RAP1A: variants seen among roughly 807,000 people sequenced by gnomAD.
RAP1A encodes the protein ras-related protein Rap-1A.
Under a neutral mutation model 26.4 loss-of-function variants are expected in RAP1A, and 6 were observed. That is an observed-to-expected ratio of 0.23 (90% CI 0.12 to 0.45). The LOEUF is 0.45. RAP1A is among the 20% of genes least tolerant of loss of function. The probability of loss-of-function intolerance (pLI) is 0.99; values close to 1 mark genes in which losing one functional copy is unlikely to be tolerated. For synonymous variants in RAP1A, 73 were observed against 79.4 expected (o/e 0.92, Z 0.43); for missense variants, 121 against 217.2 (o/e 0.56, Z 2.78).
At chr1:111,585,994 T>C (rs1316679475) in intron 1 of RAP1A, among the ~76,000 whole-genome samples, 1 of 152,226 alleles carries the variant, frequency 6.6e-6, no homozygotes, top group Non-Finnish European at 1.5e-5. Flanking sequence ...AGTTCATTTG[T>C]ATGTATCTCA....
chr1:111,648,941 C>T (rs531704321), intron 1 of RAP1A: 5 of 695,716 alleles, frequency 7.2e-6, no homozygotes, highest in African/African-American at 5.3e-5. Flanking sequence ...GGTTCTTCTT[C>T]ATGAAGAACA....
chr1:111,624,793 A>G (rs1189908426), intron 1 of RAP1A, among the ~76,000 whole-genome samples: 1 of 152,230 alleles, frequency 6.6e-6, no homozygotes, highest in African/African-American at 2.4e-5. Context: ...TAAAATTTTC[A>G]GAAATACTTG....
At chr1:111,680,343 T>A (rs1455369238) in intron 1 of RAP1A, among the ~76,000 whole-genome samples, 2 of 152,176 alleles carry the variant, frequency 1.3e-5, no homozygotes, top group Non-Finnish European at 2.9e-5. Context: ...CCCTTATTTG[T>A]CCCTGCCCAT....
chr1:111,591,821 T>C (rs756013727), intron 1 of RAP1A, among the ~76,000 whole-genome samples: 4 of 152,246 alleles, frequency 2.6e-5, no homozygotes, highest in African/African-American at 4.8e-5. Flanking sequence ...GGTTTGCACA[T>C]AGCAGCTATA....
intron 1 of RAP1A, among the ~76,000 whole-genome samples, chr1:111,654,770 T>C (rs1571533076): frequency 6.6e-6 from 1 of 150,822 alleles, no homozygotes; most frequent in East Asian, 1.9e-4. Flanking sequence ...ATAGGTGATC[T>C]GAATCTAAGT....
In RAP1A at chr1:111,579,712, A is replaced by G. The variant is rs569984221; in HGVS notation, c.-28+37203A>G. On this transcript the variant is annotated intron_variant, in intron 1 of 7. Transcript: ENST00000356415. ...AGCCTAGCCTACCTTAGACAAACTC[A>G]TAACACGTATGTTAGTTTACCTTGA... 2.0e-5 allele frequency among the ~76,000 whole-genome samples: 3 copies of G among 152,352 alleles called. No individual in the cohort carries two copies. The East Asian group carries it at 5.8e-4, about 29-fold the overall frequency.
intron 1 of RAP1A, among the ~76,000 whole-genome samples, chr1:111,547,505 A>AT (rs1657078839): frequency 6.6e-6 from 1 of 152,198 alleles, no homozygotes; most frequent in Non-Finnish European, 1.5e-5. Flanking sequence ...AATATAAACT[A>AT]ATTTCTCAAC....
intron 1 of RAP1A, among the ~76,000 whole-genome samples, chr1:111,628,395 G>A (rs372902612): frequency 2.6e-5 from 4 of 152,142 alleles, no homozygotes; most frequent in African/African-American, 9.7e-5. Context: ...GAGGACAGGT[G>A]ATTAATTTGA....
intron 1 of RAP1A, among the ~76,000 whole-genome samples, chr1:111,686,875 A>C (rs1173380481): frequency 6.6e-6 from 1 of 151,222 alleles, no homozygotes; most frequent in Non-Finnish European, 1.5e-5. Flanking sequence ...TTTTTTTTTC[A>C]CTAACCTCTG....
intron 1 of RAP1A, among the ~76,000 whole-genome samples, chr1:111,659,363 A>G (rs1325825561): frequency 2.6e-5 from 4 of 152,168 alleles, no homozygotes; most frequent in African/African-American, 9.7e-5. Context: ...CAATATTGTA[A>G]TATTTTTCAG....
intron 1 of RAP1A, among the ~76,000 whole-genome samples, chr1:111,606,689 T>C (rs1250174852): frequency 2.0e-5 from 3 of 152,200 alleles, no homozygotes; most frequent in African/African-American, 7.2e-5. Context: ...GTCACGGTGT[T>C]GTTATTATTA....
chr1:111,679,729 C>T (rs982291247), intron 1 of RAP1A, among the ~76,000 whole-genome samples: 4 of 152,142 alleles, frequency 2.6e-5, no homozygotes, highest in African/African-American at 7.2e-5. Context: ...GGTGGGGCGT[C>T]TGCCATTACT....
rs965027907 is a variant in RAP1A, at chr1:111,660,163, A to G, written c.-27-31171A>G. On this transcript the variant is annotated intron_variant, in intron 1 of 7. Transcript: ENST00000369709. ...TGCATTTCTCCTTCATTTGGAGGAT[A>G]GTGTCACTTAATACAGAGTTGTAAC... 3.3e-5 allele frequency among the ~76,000 whole-genome samples: 5 copies of G among 152,212 alleles called. 1 individual carries two copies.
intron 1 of RAP1A, chr1:111,650,302 G>A (rs990844146): frequency 4.0e-5 from 6 of 151,892 alleles, no homozygotes; most frequent in Admixed American, 3.9e-4. Context: ...CTATATCAAA[G>A]AGTTTCTATG....
intron 1 of RAP1A, among the ~76,000 whole-genome samples, chr1:111,643,818 A>G (rs1035348302): frequency 5.9e-5 from 9 of 152,198 alleles, no homozygotes; most frequent in Non-Finnish European, 1.3e-4. Context: ...CATACCATAC[A>G]CACACATGCA....
At chr1:111,583,062 G>T (rs993574231) in intron 1 of RAP1A, among the ~76,000 whole-genome samples, 1 of 152,176 alleles carries the variant, frequency 6.6e-6, no homozygotes, top group Non-Finnish European at 1.5e-5. Context: ...TGTTTACAAA[G>T]TATCTTGCAG....
intron 1 of RAP1A, among the ~76,000 whole-genome samples, chr1:111,594,569 G>A (rs1658529094): frequency 7.3e-6 from 1 of 137,900 alleles, no homozygotes; most frequent in African/African-American, 2.9e-5. Context: ...AGGAGGGAGG[G>A]AAGGAAGGAA....
upstream of RAP1A, among the ~76,000 whole-genome samples, chr1:111,615,829 CAAA>C (rs34751097): frequency 3.6e-4 from 31 of 86,230 alleles, no homozygotes; most frequent in African/African-American, 6.4e-4. Flanking sequence ...GACTCTGTCT[CAAA>C]AAAAAAAAAA....
At chr1:111,643,161 T>C (rs918766852) in intron 1 of RAP1A, among the ~76,000 whole-genome samples, 38 of 152,194 alleles carry the variant, frequency 2.5e-4, no homozygotes, top group African/African-American at 8.9e-4. Flanking sequence ...TCTGCTGTTA[T>C]AGGGTGAAAG....
Sources: gnomAD v4.1 joint callset for allele counts (sites outside exome capture counted in the v4.1 genomes callset) on GRCh38, gnomAD v4.1.1 for gene constraint, MANE v1.5 for transcripts, NCBI Gene and HGNC (gene_info 2026-07-23, HGNC 2026-07-21) for gene names.